FBP2: variants seen among roughly 807,000 people sequenced by gnomAD.
FBP2 encodes fructose-1,6-bisphosphatase isozyme 2.
FBP2 carries 27 observed loss-of-function variants against 31.6 expected under a neutral mutation model. The ratio of observed to expected loss-of-function variants is 0.85; its 90% CI spans 0.63 to 1.18. The LOEUF (loss-of-function observed/expected upper bound fraction) is 1.18. Ranked by LOEUF, FBP2 falls within the 50% of genes most tolerant of loss-of-function variation. The pLI is 0.00. For missense variants in FBP2, 421 were observed against 436.1 expected (o/e 0.97, Z 0.31); for synonymous variants, 168 against 179.8 (o/e 0.93, Z 0.53).
intron 1 of FBP2, among the ~76,000 whole-genome samples, chr9:94,591,225 C>A (rs1309051405): frequency 2.0e-5 from 3 of 152,372 alleles, no homozygotes; most frequent in African/African-American, 7.2e-5. Flanking sequence ...TCGGGCCGCA[C>A]AGGAGCCCAT....
intron 3 of FBP2, among the ~76,000 whole-genome samples, chr9:94,582,155 C>T (rs1827377567): frequency 6.6e-6 from 1 of 152,146 alleles, no homozygotes; most frequent in African/African-American, 2.4e-5. Context: ...TAGGTCTGGC[C>T]AGTTTACAGA....
intron 3 of FBP2, among the ~76,000 whole-genome samples, chr9:94,582,689 A>G (rs1827384483): frequency 6.6e-6 from 1 of 151,564 alleles, no homozygotes; most frequent in African/African-American, 2.4e-5. Context: ...CTGGGACTAC[A>G]GGCACCCACC....
intron 1 of FBP2, among the ~76,000 whole-genome samples, chr9:94,589,587 G>C (rs1827467906): frequency 6.6e-6 from 1 of 152,214 alleles, no homozygotes; most frequent in South Asian, 2.1e-4. Context: ...AATTTCCTTT[G>C]CCTACTGATG....
intron 2 of FBP2, among the ~76,000 whole-genome samples, chr9:94,586,386 AAAAT>A (rs1439094363): frequency 1.3e-5 from 2 of 152,174 alleles, no homozygotes; most frequent in Admixed American, 6.5e-5. Flanking sequence ...CCGTCTCAAA[AAAAT>A]AAATAAATAA....
At chr9:94,587,142 A>C (rs1281797860) in intron 2 of FBP2, among the ~76,000 whole-genome samples, 165 bp downstream of exon 2, 1 of 152,208 alleles carries the variant, frequency 6.6e-6, no homozygotes, top group Non-Finnish European at 1.5e-5. Context: ...CTTTCTCTAG[A>C]CAGCACAAGA....
chr9:94,590,054 G>A (rs1191819099), intron 1 of FBP2, among the ~76,000 whole-genome samples: 3 of 151,776 alleles, frequency 2.0e-5, no homozygotes, highest in Non-Finnish European at 2.9e-5. Flanking sequence ...CCCCTCATCC[G>A]CCTAACCCCA....
rs927315554 is a variant in FBP2 at position 94,587,343 on chromosome 9, C to T, written c.297G>A (p.Glu99=). The T allele has an allele frequency of 6.2e-7, 1 of 1,613,630 alleles. No individual in the cohort carries two copies. Among genetic ancestry groups the T allele is most frequent in the Non-Finnish European group, 8.5e-7 (1 of 1,179,890 alleles). Residue 99 remains glutamate, a synonymous_variant, in exon 2 of 7, where the codon GAG becomes GAA. Coordinates refer to ENST00000375337, the MANE Select transcript of FBP2 (RefSeq NM_003837.4). ...SYSTCVLVSE[E]NKDAIITAKE... ...TGGCGGTGATGATGGCGTCCTTATT[C>T]TCTTCTGAGACCAGGACGCAGGTAC...
Position 94,593,824 on chromosome 9 carries a change from T to G in FBP2, c.-98A>C. Reference sequence around the variant, plus strand: ...AGTGTGGAAGCCGATAAGAAATCTGTGCTGGCCCTGCCAGGATCTCTAAGG... The same window carrying G: ...AGTGTGGAAGCCGATAAGAAATCTGGGCTGGCCCTGCCAGGATCTCTAAGG... On this transcript the variant is annotated 5_prime_UTR_variant, in exon 1 of 7. Transcript: ENST00000375337. The G allele has an allele frequency of 7.3e-7, 1 of 1,368,724 alleles. No homozygotes were observed. The highest frequency in any genetic ancestry group is 1.0e-6 in the Non-Finnish European group (1 of 997,230). The allele number at this position is 1,368,724 out of a possible 1,614,324, so 84.8% of individuals were successfully genotyped here.
intron 3 of FBP2, chr9:94,572,919 G>A (rs1827283916): frequency 6.6e-6 from 1 of 151,410 alleles, no homozygotes; most frequent in African/African-American, 2.4e-5. Flanking sequence ...TCTTGATCTT[G>A]TATCCTGTGA....
At chr9:94,592,361 A>C (rs1827512317) in intron 1 of FBP2, among the ~76,000 whole-genome samples, 1 of 152,256 alleles carries the variant, frequency 6.6e-6, no homozygotes, top group Middle Eastern at 3.4e-3. Context: ...TAATGCTATC[A>C]CTTTTTGTGT....
chr9:94,577,639 T>C (rs1260518229), intron 3 of FBP2: 3 of 152,172 alleles, frequency 2.0e-5, no homozygotes, highest in Non-Finnish European at 2.9e-5. Context: ...GGGGAAAAGA[T>C]TTAAAAAGAA....
intron 5 of FBP2, among the ~76,000 whole-genome samples, chr9:94,566,521 A>G (rs1011021400): frequency 6.6e-6 from 1 of 152,222 alleles, no homozygotes; most frequent in Non-Finnish European, 1.5e-5. Flanking sequence ...TATAGAAACA[A>G]TGCTAATGAC....
At chr9:94,591,154 C>T (rs1481467405) in intron 1 of FBP2, among the ~76,000 whole-genome samples, 1 of 152,268 alleles carries the variant, frequency 6.6e-6, no homozygotes, top group Non-Finnish European at 1.5e-5. Context: ...CATTCCTCAG[C>T]CCTTGGGTGG....
chr9:94,591,558 C>T (rs969820861), intron 1 of FBP2, among the ~76,000 whole-genome samples: 3 of 152,210 alleles, frequency 2.0e-5, no homozygotes, highest in African/African-American at 7.2e-5. Flanking sequence ...AGGGAGTGGG[C>T]TCCAGCCTTG....
At chr9:94,576,180 A>G (rs1331089916) in intron 3 of FBP2, among the ~76,000 whole-genome samples, 1 of 152,220 alleles carries the variant, frequency 6.6e-6, no homozygotes, top group Non-Finnish European at 1.5e-5. Flanking sequence ...GACTGGCACC[A>G]AAGATAATCA....
At position 94,593,620 on chromosome 9, in the gene FBP2, T is replaced by G. The variant is rs1376760957; in HGVS notation, c.107A>C (p.Asn36Thr). 2 of 1,613,870 alleles carry G rather than the reference T, an allele frequency of 1.2e-6. No individual in the cohort carries two copies. The highest frequency in any genetic ancestry group is 2.7e-5 in the African/African-American group (2 of 74,866). The change falls in exon 1 of 7, where the codon AAC (asparagine) becomes ACC (threonine). Residue 36 changes from asparagine (N) to threonine (T), a missense_variant. Transcript: ENST00000375337. ...GGCTTTGATGGCCGTCAGCATTGAG[T>G]TCAGCAGCTGGGTGAGCTCCCCAGT... ...KGTGELTQLLNSMLTAIKAIS... is the reference protein window; with the variant it reads ...KGTGELTQLLTSMLTAIKAIS...
chr9:94,577,368 C>G (rs1280822364), intron 3 of FBP2: 1 of 152,220 alleles, frequency 6.6e-6, no homozygotes, highest in Non-Finnish European at 1.5e-5. Context: ...GTCATCTTCT[C>G]TGGGACTGGT....
intron 3 of FBP2, among the ~76,000 whole-genome samples, chr9:94,578,504 TTAAA>T (rs1428876472): frequency 2.6e-5 from 4 of 152,088 alleles, no homozygotes; most frequent in Non-Finnish European, 4.4e-5. Context: ...TTATTTTAAA[TTAAA>T]TAATAAATGC....
chr9:94,587,303 G>A lies in FBP2; in HGVS notation c.333+4C>T, dbSNP rs368868748. Reference sequence around the variant, plus strand: ...CGAGCGGGCACCGCAGCCCCATGACGCACCCGCTTCTCCTTGGCGGTGATG... The same window carrying A: ...CGAGCGGGCACCGCAGCCCCATGACACACCCGCTTCTCCTTGGCGGTGATG... On this transcript the variant is annotated splice_donor_region_variant and intron_variant, in intron 2 of 6. Coordinates refer to ENST00000375337, the MANE Select transcript of FBP2 (RefSeq NM_003837.4). 1.3e-4 allele frequency: 213 copies of A among 1,607,442 alleles called. No homozygotes were observed. Among genetic ancestry groups the A allele is most frequent in the Non-Finnish European group, 1.7e-4 (197 of 1,177,950 alleles).
Sources: gnomAD v4.1 joint callset for allele counts (sites outside exome capture counted in the v4.1 genomes callset) on GRCh38, gnomAD v4.1.1 for gene constraint, MANE v1.5 for transcripts, NCBI Gene and HGNC (gene_info 2026-07-23, HGNC 2026-07-21) for gene names.